FIP1L1: variants seen among roughly 807,000 people sequenced by gnomAD.
FIP1L1 encodes the protein pre-mRNA 3'-end-processing factor FIP1.
A neutral mutation model predicts 84.6 loss-of-function variants in FIP1L1; 21 were observed. That is an observed-to-expected ratio of 0.25 (90% CI 0.18 to 0.36). The LOEUF (loss-of-function observed/expected upper bound fraction) is 0.36, where lower values mean the gene tolerates loss of function less well. FIP1L1 is among the 10% of genes least tolerant of loss of function. FIP1L1 has a pLI of 1.00. For synonymous variants in FIP1L1, 263 were observed against 242.3 expected (o/e 1.09, Z -0.80); for missense variants, 526 against 751.1 (o/e 0.70, Z 3.50).
chr4:53,433,099 T>G (rs1767482300), intron 13 of FIP1L1, among the ~76,000 whole-genome samples: 1 of 152,244 alleles, frequency 6.6e-6, no homozygotes, highest in Non-Finnish European at 1.5e-5. Flanking sequence ...AGTATTAATG[T>G]TATAGGGTAG....
intron 10 of FIP1L1, among the ~76,000 whole-genome samples, chr4:53,405,572 G>A (rs1303315561): frequency 2.7e-5 from 4 of 147,712 alleles, no homozygotes; most frequent in Middle Eastern, 3.2e-3. Context: ...GATGGGGATG[G>A]CATTGAATCT....
chr4:53,394,215 T>A (rs1746045257), intron 9 of FIP1L1, among the ~76,000 whole-genome samples: 1 of 152,236 alleles, frequency 6.6e-6, no homozygotes, highest in African/African-American at 2.4e-5. Context: ...CTGTTAGATT[T>A]TTCTTTTCCT....
At chr4:53,406,537 G>A (rs1578427307) in intron 10 of FIP1L1, among the ~76,000 whole-genome samples, 1 of 152,318 alleles carries the variant, frequency 6.6e-6, no homozygotes, top group Middle Eastern at 3.4e-3. Flanking sequence ...ATGAGTTAGG[G>A]AGGATTCCCT....
At chr4:53,414,498 TG>T in intron 10 of FIP1L1, 116 bp from the exon 11 acceptor site, 1 of 618,166 alleles carries the variant, frequency 1.6e-6, no homozygotes, top group East Asian at 2.8e-5. Flanking sequence ...AGAATGATAC[TG>T]TAGGAACATA....
chr4:53,407,828 T>C (rs1754573044), intron 10 of FIP1L1, among the ~76,000 whole-genome samples: 1 of 152,204 alleles, frequency 6.6e-6, no homozygotes, highest in African/African-American at 2.4e-5. Context: ...CCTGCCTTTT[T>C]TTGTTTTGCA....
At chr4:53,379,354 G>A in intron 3 of FIP1L1, 90 bp downstream of exon 3, 1 of 1,131,410 alleles carries the variant, frequency 8.8e-7, no homozygotes, top group Non-Finnish European at 1.3e-6. Flanking sequence ...TACAATCATT[G>A]GCTTCATTAC....
At chr4:53,441,477 T>G (rs1288497287) in intron 13 of FIP1L1, among the ~76,000 whole-genome samples, 5 of 151,936 alleles carry the variant, frequency 3.3e-5, no homozygotes, top group African/African-American at 4.8e-5. Flanking sequence ...TAAAAAACAA[T>G]GTGGTTGTGA....
chr4:53,432,065 A>G, intron 13 of FIP1L1, among the ~76,000 whole-genome samples: 1 of 152,138 alleles, frequency 6.6e-6, no homozygotes, highest in East Asian at 1.9e-4. Context: ...AAAAGCATTT[A>G]TCGTGGTTCC....
chr4:53,458,921 G>T, intron 17 of FIP1L1, 131 bp downstream of exon 17: 1 of 1,007,806 alleles, frequency 9.9e-7, no homozygotes, highest in South Asian at 2.0e-5. Flanking sequence ...AAAAATTCAG[G>T]GCCTTGTCTC....
intron 13 of FIP1L1, chr4:53,440,510 T>A (rs527769636): frequency 3.2e-6 from 3 of 936,880 alleles, no homozygotes; most frequent in Non-Finnish European, 3.3e-6. Context: ...AAGTTTGTTT[T>A]GGTGATGGCA....
chr4:53,432,398 CAAAAAAAAAAAAA>C (rs35596754), intron 13 of FIP1L1, among the ~76,000 whole-genome samples: 5 of 68,404 alleles, frequency 7.3e-5, no homozygotes, highest in Middle Eastern at 0.011. Context: ...AACTCCATCT[CAAAAAAAAAAAAA>C]AAAAAAAAAA....
intron 4 of FIP1L1, 47 bp downstream of exon 4, chr4:53,382,382 A>G (rs758989480): frequency 4.8e-6 from 7 of 1,447,446 alleles, no homozygotes; most frequent in South Asian, 2.3e-5. Context: ...ATCTTTATCA[A>G]TAGCTTCACA....
Position 53,383,867 on chromosome 4 carries a change from C to CACAG in FIP1L1, c.324_327dup (p.Tyr110ThrfsTer13). On this transcript the variant is annotated frameshift_variant, in exon 5 of 18. Transcript: ENST00000337488. LOFTEE classifies it high-confidence loss of function. ...ATAGGAGACATTAAAACGGGAGCAC[C>CACAG]ACAGTATGGGTAAGTTATTTTTTAG... The CACAG allele has an allele frequency of 6.2e-7, 1 of 1,611,810 alleles. No individual in the cohort carries two copies. Among genetic ancestry groups the CACAG allele is most frequent in the Non-Finnish European group, 8.5e-7 (1 of 1,179,130 alleles).
chr4:53,379,336 T>G, intron 3 of FIP1L1, 72 bp downstream of exon 3: 15 of 1,306,110 alleles, frequency 1.1e-5, no homozygotes, highest in Non-Finnish European at 1.6e-5. Context: ...TTGTCAAAAT[T>G]ATTTTCTTAC....
At chr4:53,417,801 TCTCTCTCTCTCTCTCTCTCA>T (rs1760470417) in intron 11 of FIP1L1, among the ~76,000 whole-genome samples, 1 of 121,764 alleles carries the variant, frequency 8.2e-6, no homozygotes, top group East Asian at 2.1e-4. Flanking sequence ...TCTCTCTCTC[TCTCTCTCTCTCTCTCTCTCA>T]GGCTACTTTT....
At chr4:53,415,470 C>T (rs1247386835) in intron 11 of FIP1L1, among the ~76,000 whole-genome samples, 1 of 151,240 alleles carries the variant, frequency 6.6e-6, no homozygotes, top group African/African-American at 2.4e-5. Flanking sequence ...AGATACTTTC[C>T]TAATTTATCA....
chr4:53,378,157 G>T, intron 1 of FIP1L1: 1 of 409,004 alleles, frequency 2.4e-6, no homozygotes, highest in Non-Finnish European at 4.3e-6. Flanking sequence ...GGCCGGGCTG[G>T]GGGGCTGTGA....
At chr4:53,402,348 G>A (rs1376751903) in intron 10 of FIP1L1, among the ~76,000 whole-genome samples, 1 of 152,090 alleles carries the variant, frequency 6.6e-6, no homozygotes, top group African/African-American at 2.4e-5. Flanking sequence ...CCAGAGAAAT[G>A]TGACAGTATC....
intron 3 of FIP1L1, among the ~76,000 whole-genome samples, chr4:53,380,501 A>G (rs1468436552): frequency 6.6e-6 from 1 of 152,192 alleles, no homozygotes; most frequent in East Asian, 1.9e-4. Flanking sequence ...ATGTGACCAT[A>G]TTAAAACTCA....
Sources: gnomAD v4.1 joint callset for allele counts (sites outside exome capture counted in the v4.1 genomes callset) on GRCh38, gnomAD v4.1.1 for gene constraint, MANE v1.5 for transcripts, NCBI Gene and HGNC (gene_info 2026-07-23, HGNC 2026-07-21) for gene names.